Variants in SULT2B1 observed in about 807,000 individuals in gnomAD.
SULT2B1 encodes sulfotransferase family 2B member 1.
In SULT2B1, 16 loss-of-function variants were observed where a neutral mutation model predicts 33.2. The ratio of observed to expected loss-of-function variants is 0.48; its 90% confidence interval spans 0.33 to 0.73. SULT2B1 has a LOEUF of 0.73. Among genes scored for constraint, SULT2B1 ranks in the 30% least tolerant of loss-of-function variants. The pLI is 0.02. For synonymous variants in SULT2B1, 186 were observed against 200.5 expected (o/e 0.93, Z 0.61); for missense variants, 500 against 506.0 (o/e 0.99, Z 0.11).
chr19:48,584,037 G>C (rs1439035495), intron 2 of SULT2B1, among the ~76,000 whole-genome samples: 1 of 148,738 alleles, frequency 6.7e-6, no homozygotes, highest in Non-Finnish European at 1.5e-5. Flanking sequence ...ACTTGAACCC[G>C]GGAGGTGGAG....
intron 2 of SULT2B1, among the ~76,000 whole-genome samples, chr19:48,585,185 C>G (rs1973546330): frequency 6.6e-6 from 1 of 151,924 alleles, no homozygotes; most frequent in African/African-American, 2.4e-5. Context: ...GCACACCAGC[C>G]CAGGTCACAG....
At chr19:48,575,840 G>A in intron 1 of SULT2B1, 101 bp from the exon 2 acceptor site, 1 of 1,531,032 alleles carries the variant, frequency 6.5e-7, no homozygotes, top group Non-Finnish European at 8.8e-7. Context: ...CTGAGGCTCT[G>A]AGGAGGAAGT....
rs1163156056 is a variant in SULT2B1 at position 48,569,376 on chromosome 19, ATATATATATATATATATATATAT to A, written c.72-6564_72-6542del. On this transcript the variant is annotated intron_variant, in intron 1 of 6. Transcript: ENST00000201586. ...AAAAAAAAAAAACATATATATATAT[ATATATATATATATATATATATAT>A]GATAAATTTTAGATAAATTTTTATC... Among the ~76,000 whole-genome samples the A allele has an allele frequency of 1.9e-3, 33 of 17,332 alleles. 1 individual carries two copies. Among genetic ancestry groups the A allele is most frequent in the South Asian group, 0.012 (5 of 404 alleles). The allele number at this position is 17,332 out of a possible 152,430, so 11.4% of individuals were successfully genotyped here.
intron 1 of SULT2B1, among the ~76,000 whole-genome samples, chr19:48,554,654 CTTTTTTTT>C (rs3859436): frequency 5.9e-4 from 8 of 13,596 alleles, no homozygotes; most frequent in South Asian, 8.6e-3. Flanking sequence ...TACTCTACTG[CTTTTTTTT>C]TTTTTTTTTT....
chr19:48,559,212 G>C (rs1770431543), intron 1 of SULT2B1, among the ~76,000 whole-genome samples: 1 of 152,068 alleles, frequency 6.6e-6, no homozygotes, highest in South Asian at 2.1e-4. Flanking sequence ...GAAGAGTGAG[G>C]GACAGGATGC....
intron 6 of SULT2B1, among the ~76,000 whole-genome samples, chr19:48,597,258 C>T (rs1017964656): frequency 2.0e-5 from 3 of 151,716 alleles, no homozygotes; most frequent in Non-Finnish European, 4.4e-5. Flanking sequence ...GGTTACGGGG[C>T]GCAGGCGGTA....
At chr19:48,592,430 T>C (rs564908901) in intron 4 of SULT2B1, among the ~76,000 whole-genome samples, 1 of 152,308 alleles carries the variant, frequency 6.6e-6, no homozygotes, top group Admixed American at 6.5e-5. Flanking sequence ...TGGCCACGTG[T>C]TCCTTTCTCT....
At chr19:48,598,894 AG>A (rs1165554217) in intron 6 of SULT2B1, among the ~76,000 whole-genome samples, 3 of 152,110 alleles carry the variant, frequency 2.0e-5, no homozygotes, top group Non-Finnish European at 4.4e-5. Flanking sequence ...GAGGACTGGC[AG>A]GAATCCTGCA....
At chr19:48,593,807 C>T (rs55904382) in intron 5 of SULT2B1, among the ~76,000 whole-genome samples, 3 of 149,460 alleles carry the variant, frequency 2.0e-5, no homozygotes, top group Non-Finnish European at 1.5e-5. Context: ...GCTAATTTTG[C>T]ATTTTTAGTA....
intron 1 of SULT2B1, among the ~76,000 whole-genome samples, chr19:48,568,830 C>A (rs933668214): frequency 4.6e-5 from 7 of 152,112 alleles, no homozygotes; most frequent in Admixed American, 4.6e-4. Context: ...GTGGGCCGCT[C>A]AGGGCCCCCC....
chr19:48,565,796 C>T (rs991518162), intron 1 of SULT2B1, among the ~76,000 whole-genome samples: 2 of 151,924 alleles, frequency 1.3e-5, no homozygotes, highest in African/African-American at 2.4e-5. Context: ...AGGATCTTGC[C>T]CTGTCACCTA....
intron 2 of SULT2B1, among the ~76,000 whole-genome samples, chr19:48,578,184 G>A (rs1416674762): frequency 6.6e-6 from 1 of 152,098 alleles, no homozygotes; most frequent in Non-Finnish European, 1.5e-5. Context: ...CTGCACTTCA[G>A]CCTGGGCAAC....
rs373999064 is a variant in SULT2B1 at position 48,596,786 on chromosome 19, G to T, written c.693G>T (p.Pro231=). ...GCATCTGTGGGTTCCTGGGCCGTCC[G>T]CTGGGCAAGGAGGCACTGGGCTCCG... ...VERICGFLGR[P]LGKEALGSVV... is the part of the protein sequence containing the mutation. The change falls in exon 6 of 7, where the codon CCG becomes CCT. Residue 231 remains proline, a synonymous_variant. Coordinates refer to ENST00000201586, the MANE Select transcript of SULT2B1 (RefSeq NM_177973.2). 6.2e-7 allele frequency: 1 copy of T among 1,609,016 alleles called. No individual in the cohort carries two copies. Among genetic ancestry groups the T allele is most frequent in the East Asian group, 2.2e-5 (1 of 44,860 alleles).
chr19:48,592,556 G>A (rs1973656738), intron 4 of SULT2B1, among the ~76,000 whole-genome samples, 166 bp from the exon 5 acceptor site: 1 of 152,172 alleles, frequency 6.6e-6, no homozygotes, highest in Non-Finnish European at 1.5e-5. Flanking sequence ...CAGGTTGGAA[G>A]AGCCCCAGAA....
chr19:48,578,791 G>T (rs1423715164), intron 2 of SULT2B1, among the ~76,000 whole-genome samples: 1 of 152,100 alleles, frequency 6.6e-6, no homozygotes, highest in East Asian at 1.9e-4. Context: ...CAGGAGAATT[G>T]CTTGGAACCG....
chr19:48,554,234 G>C (rs1290860740), intron 1 of SULT2B1, among the ~76,000 whole-genome samples: 1 of 151,734 alleles, frequency 6.6e-6, no homozygotes, highest in Non-Finnish European at 1.5e-5. Context: ...GAGCCTGCTG[G>C]AGCATCCCCC....
chr19:48,581,001 A>T (rs1041554801), intron 2 of SULT2B1, among the ~76,000 whole-genome samples: 6 of 129,788 alleles, frequency 4.6e-5, no homozygotes, highest in Non-Finnish European at 8.2e-5. Flanking sequence ...GCATCTTTTC[A>T]TGTGCTCATT....
intron 1 of SULT2B1, among the ~76,000 whole-genome samples, chr19:48,554,614 C>G (rs1025716607): frequency 7.3e-6 from 1 of 136,514 alleles, no homozygotes; most frequent in Non-Finnish European, 1.5e-5. Context: ...ACCCACCCCG[C>G]CCCCCCAGCC....
chr19:48,561,747 C>A (rs890000650), intron 1 of SULT2B1, among the ~76,000 whole-genome samples: 3 of 152,096 alleles, frequency 2.0e-5, no homozygotes, highest in African/African-American at 7.2e-5. Flanking sequence ...GGACCTCGAA[C>A]CTAACGTGTG....
Sources: allele counts gnomAD v4.1 joint callset (sites outside exome capture counted in the v4.1 genomes callset), GRCh38; gene constraint gnomAD v4.1.1; transcripts MANE v1.5; gene names NCBI Gene and HGNC (gene_info 2026-07-23, HGNC 2026-07-21).